The following C1orf21 variants were observed in gnomAD, a reference collection of about 807,000 sequenced individuals.
The protein encoded by C1orf21 is chromosome 1 open reading frame 21, also known as uncharacterized protein C1orf21.
C1orf21 carries 3 observed loss-of-function variants against 18.7 expected under a neutral mutation model. The ratio of observed to expected loss-of-function variants is 0.16; its 90% CI spans 0.07 to 0.42. The LOEUF is 0.42. C1orf21 is among the 10% of genes least tolerant of loss of function. The pLI, the probability that C1orf21 is intolerant of heterozygous loss-of-function variation, is 0.99. For synonymous variants in C1orf21, 41 were observed against 46.4 expected (o/e 0.88, Z 0.47); for missense variants, 104 against 143.6 (o/e 0.72, Z 1.41).
chr1:184,447,961 C>T (rs373732406), intron 1 of C1orf21, among the ~76,000 whole-genome samples: 2 of 152,288 alleles, frequency 1.3e-5, no homozygotes, highest in Non-Finnish European at 2.9e-5. Flanking sequence ...TACAGCATGA[C>T]GTATTTGTCA....
chr1:184,445,891 A>G (rs1295121102), intron 1 of C1orf21, among the ~76,000 whole-genome samples: 1 of 152,236 alleles, frequency 6.6e-6, no homozygotes, highest in Non-Finnish European at 1.5e-5. Context: ...TTACATTAAC[A>G]TAATATTATT....
At position 184,628,272 on chromosome 1, in the gene C1orf21, AATTT is replaced by A. The variant is rs1189919092; in HGVS notation, c.*8722_*8725del. ...GATGCACTCTCTCTGTGTGTTTATT[AATTT>A]ATTTAAAGCATATATCCCTTTACTT... On this transcript the variant is annotated 3_prime_UTR_variant, in exon 6 of 6. Coordinates refer to ENST00000235307, the MANE Select transcript of C1orf21 (RefSeq NM_030806.4). 2.0e-5 allele frequency: 3 copies of A among 152,232 alleles called. No homozygotes were observed. Among genetic ancestry groups the A allele is most frequent in the Admixed American group, 2.0e-4 (3 of 15,282 alleles). 9.4% of individuals were successfully genotyped at this position (152,232 alleles called of 1,614,324 possible).
At chr1:184,522,697 T>C (rs1382203694) in intron 3 of C1orf21, among the ~76,000 whole-genome samples, 3 of 152,220 alleles carry the variant, frequency 2.0e-5, no homozygotes, top group Non-Finnish European at 1.5e-5. Context: ...GTATTGTATT[T>C]ATTTTTGAGA....
intron 2 of C1orf21, among the ~76,000 whole-genome samples, chr1:184,499,641 G>GA (rs934504527): frequency 2.7e-5 from 4 of 150,832 alleles, no homozygotes; most frequent in African/African-American, 9.8e-5. Context: ...ATCATCTCCT[G>GA]AAAAAATTAC....
chr1:184,591,776 A>C (rs970678067), intron 4 of C1orf21, among the ~76,000 whole-genome samples: 2 of 151,948 alleles, frequency 1.3e-5, no homozygotes, highest in Non-Finnish European at 2.9e-5. Flanking sequence ...ACTGCACTCC[A>C]GCCTGGGCGA....
In C1orf21 at chr1:184,622,222, A is replaced by AAGGG. The variant is rs1659927860; in HGVS notation, c.*2671_*2674dup. 1 of 152,204 alleles carries AAGGG rather than the reference A, an allele frequency of 6.6e-6. No homozygotes were observed. The highest frequency in any genetic ancestry group is 2.4e-5 in the African/African-American group (1 of 41,408). 9.4% of individuals were successfully genotyped at this position (152,204 alleles called of 1,614,324 possible). A position where few individuals can be genotyped will look rare whatever the true frequency, so the allele number is the denominator to read the frequency against. On this transcript the variant is annotated 3_prime_UTR_variant, in exon 6 of 6. Transcript: ENST00000235307. ...TAGGGCTCAGGAAGCTGGAAGGAGGAAGGGAGGGTAAGTGGCCTGGTGAGT... is the reference window on the plus strand; with the variant it reads ...TAGGGCTCAGGAAGCTGGAAGGAGGAAGGGAGGGAGGGTAAGTGGCCTGGTGAGT...
chr1:184,461,019 A>C (rs1434923303), intron 1 of C1orf21, among the ~76,000 whole-genome samples: 1 of 152,090 alleles, frequency 6.6e-6, no homozygotes, highest in Non-Finnish European at 1.5e-5. Flanking sequence ...AACTCTAAGC[A>C]CCACTACTGG....
At chr1:184,439,630 T>G (rs1452459248) in intron 1 of C1orf21, among the ~76,000 whole-genome samples, 1 of 152,038 alleles carries the variant, frequency 6.6e-6, no homozygotes, top group Non-Finnish European at 1.5e-5. Flanking sequence ...ATCCAACAAT[T>G]TGTAAAGTAC....
chr1:184,441,850 C>T (rs956644272), intron 1 of C1orf21, among the ~76,000 whole-genome samples: 1 of 151,936 alleles, frequency 6.6e-6, no homozygotes, highest in Admixed American at 6.6e-5. Flanking sequence ...ATGTGTAGGC[C>T]CATTTTGCAA....
At chr1:184,469,494 CT>C (rs1388220732) in intron 1 of C1orf21, among the ~76,000 whole-genome samples, 3 of 152,150 alleles carry the variant, frequency 2.0e-5, no homozygotes, top group African/African-American at 7.2e-5. Context: ...AACACATGTG[CT>C]TTTCAGATGT....
intron 1 of C1orf21, among the ~76,000 whole-genome samples, chr1:184,398,287 T>C (rs1236700293): frequency 6.6e-6 from 1 of 152,232 alleles, no homozygotes; most frequent in Non-Finnish European, 1.5e-5. Flanking sequence ...CCACTACTGT[T>C]ACCTCTTCTT....
intron 3 of C1orf21, among the ~76,000 whole-genome samples, chr1:184,554,679 A>G (rs569205366): frequency 6.6e-6 from 1 of 152,216 alleles, no homozygotes; most frequent in Non-Finnish European, 1.5e-5. Context: ...CACCAATTCA[A>G]GGAAATCTGT....
intron 1 of C1orf21, among the ~76,000 whole-genome samples, chr1:184,457,939 A>C (rs1263603323): frequency 2.6e-5 from 4 of 152,222 alleles, no homozygotes; most frequent in Non-Finnish European, 5.9e-5. Flanking sequence ...GCTTGGCATC[A>C]TAGCAGTTGC....
intron 1 of C1orf21, among the ~76,000 whole-genome samples, chr1:184,420,183 G>A (rs377258167): frequency 3.3e-5 from 5 of 152,020 alleles, no homozygotes; most frequent in South Asian, 4.1e-4. Context: ...CTAAGAGCCA[G>A]GATTTAGGTT....
intron 2 of C1orf21, among the ~76,000 whole-genome samples, chr1:184,494,515 T>A (rs1381119783): frequency 6.6e-6 from 1 of 152,034 alleles, no homozygotes; most frequent in African/African-American, 2.4e-5. Context: ...GTGGTCTGGA[T>A]TAGGGAGGTA....
chr1:184,537,892 G>A (rs772774582), intron 3 of C1orf21, among the ~76,000 whole-genome samples: 6 of 152,004 alleles, frequency 3.9e-5, no homozygotes, highest in Non-Finnish European at 5.9e-5. Flanking sequence ...CAGGTGATCC[G>A]CCCACCTCGG....
chr1:184,399,997 C>T (rs1211413627), intron 1 of C1orf21, among the ~76,000 whole-genome samples: 1 of 144,816 alleles, frequency 6.9e-6, no homozygotes, highest in African/African-American at 2.8e-5. Context: ...TTCTAGTAGC[C>T]TCTAGAGGAA....
intron 1 of C1orf21, among the ~76,000 whole-genome samples, chr1:184,434,801 C>T (rs890277286): frequency 3.3e-5 from 5 of 152,112 alleles, no homozygotes; most frequent in Admixed American, 6.5e-5. Flanking sequence ...CCTGGGCAGT[C>T]GTGAGCAAGG....
intron 3 of C1orf21, among the ~76,000 whole-genome samples, chr1:184,509,405 C>T (rs1402182243): frequency 6.6e-6 from 1 of 152,142 alleles, no homozygotes; most frequent in Non-Finnish European, 1.5e-5. Flanking sequence ...AAGCCTCGCC[C>T]CTTTGCTCTG....
Sources: gnomAD v4.1 joint callset for allele counts (sites outside exome capture counted in the v4.1 genomes callset) on GRCh38, gnomAD v4.1.1 for gene constraint, MANE v1.5 for transcripts, NCBI Gene and HGNC (gene_info 2026-07-23, HGNC 2026-07-21) for gene names.